POLQ: variants seen among roughly 807,000 people sequenced by gnomAD.
The protein encoded by POLQ is epididymis secretory sperm binding protein.
Under a neutral mutation model 259.2 loss-of-function variants are expected in POLQ, and 233 were observed. The observed-to-expected ratio is 0.90, with a 90% CI of 0.81 to 1.00. The LOEUF (loss-of-function observed/expected upper bound fraction) is 1.00, where lower values mean the gene tolerates loss of function less well. Among genes scored for constraint, POLQ ranks in the 50% least tolerant of loss-of-function variants. The pLI is 0.00. For synonymous variants in POLQ, 1,025 were observed against 1,048.8 expected (o/e 0.98, Z 0.44); for missense variants, 2,871 against 3,051.6 (o/e 0.94, Z 1.39).
intron 4 of POLQ, among the ~76,000 whole-genome samples, chr3:121,537,637 C>G (rs2048460266): frequency 6.6e-6 from 1 of 152,058 alleles, no homozygotes; most frequent in South Asian, 2.1e-4. Context: ...TGATTTCATT[C>G]TTTTTATGAC....
At chr3:121,543,379 T>C (rs180884046) in intron 2 of POLQ, among the ~76,000 whole-genome samples, 3 of 152,358 alleles carry the variant, frequency 2.0e-5, no homozygotes, top group Admixed American at 2.0e-4. Flanking sequence ...AATAATTTAA[T>C]CAACTCTAAG....
In POLQ at chr3:121,545,886, C is replaced by A; in HGVS notation, c.-9G>T. 1 of 1,613,366 alleles carries A rather than the reference C, an allele frequency of 6.2e-7. No homozygotes were observed. Among genetic ancestry groups the A allele is most frequent in the Non-Finnish European group, 8.5e-7 (1 of 1,179,900 alleles). The stretch of plus-strand genomic sequence containing the variant: ...CGACGCAGAAGATTCATGGCAAACT[C>A]TTCTCGGCCGATCAGGGCAAGCCAC... On this transcript the variant is annotated 5_prime_UTR_variant, in exon 1 of 30. Coordinates refer to ENST00000264233, the MANE Select transcript of POLQ (RefSeq NM_199420.4).
intron 12 of POLQ, among the ~76,000 whole-genome samples, chr3:121,505,456 A>G (rs1463518583): frequency 6.6e-6 from 1 of 152,230 alleles, no homozygotes; most frequent in East Asian, 1.9e-4. Context: ...TTTAATTAAA[A>G]CAGAGGCACT....
At chr3:121,465,284 G>A (rs2047826241) in intron 24 of POLQ, among the ~76,000 whole-genome samples, 1 of 151,862 alleles carries the variant, frequency 6.6e-6, no homozygotes, top group African/African-American at 2.4e-5. Flanking sequence ...TAAAGATGGG[G>A]TCTCCCTTTG....
At chr3:121,447,054 T>A (rs1427876094) in intron 26 of POLQ, among the ~76,000 whole-genome samples, 1 of 100,408 alleles carries the variant, frequency 1.0e-5, no homozygotes, top group Non-Finnish European at 2.3e-5. Context: ...TTCCTTTTAA[T>A]AAAGGTGATT....
At chr3:121,470,062 T>C (rs1467008133) in intron 22 of POLQ, among the ~76,000 whole-genome samples, 1 of 152,154 alleles carries the variant, frequency 6.6e-6, no homozygotes, top group Admixed American at 6.5e-5. Flanking sequence ...CCCAGCACTT[T>C]GGGAGGCTGA....
Position 121,490,186 on chromosome 3 carries a change from C to G in POLQ, c.2745G>C (p.Glu915Asp), listed in dbSNP as rs2048055299. ...HSSTCSLTHSESEVKEHTFIS... is the reference protein window; with the variant it reads ...HSSTCSLTHSDSEVKEHTFIS... ...TAAATGTGTGTTCCTTTACTTCGGACTCACTATGAGTCAATGAGCATGTAC... is the reference window on the plus strand; with the variant it reads ...TAAATGTGTGTTCCTTTACTTCGGAGTCACTATGAGTCAATGAGCATGTAC... Residue 915 changes from glutamate to aspartate, a missense_variant, in exon 16 of 30, where the codon GAG (glutamate) becomes GAC (aspartate). Glu to Asp is a conservative substitution (Grantham distance 45). Coordinates refer to ENST00000264233, the MANE Select transcript of POLQ (RefSeq NM_199420.4). The G allele has an allele frequency of 6.2e-7, 1 of 1,613,306 alleles. No homozygotes were observed. The highest frequency in any genetic ancestry group is 1.7e-5 in the Admixed American group (1 of 59,902).
rs2047595217 is a variant in POLQ at position 121,441,862 on chromosome 3, G to C, written c.7265-1746C>G. 1.3e-5 allele frequency among the ~76,000 whole-genome samples: 2 copies of C among 152,192 alleles called. 1 individual carries two copies. The highest frequency in any genetic ancestry group is 4.1e-4 in the South Asian group (2 of 4,832). On this transcript the variant is annotated intron_variant, in intron 26 of 29. Coordinates refer to ENST00000264233, the MANE Select transcript of POLQ (RefSeq NM_199420.4). Reference sequence around the variant, plus strand: ...TTACAAATAAATGAACAACGTAAAAGACTGTGTTTTTAATATTGGCCATTC... The same window carrying C: ...TTACAAATAAATGAACAACGTAAAACACTGTGTTTTTAATATTGGCCATTC...
At position 121,487,393 on chromosome 3, in the gene POLQ, G is replaced by A; in HGVS notation, c.5538C>T (p.Cys1846=). The part of the protein sequence containing the change: ...LFQTFIKEWR[C]KKRFSISLAC... ...CCAGTGAGATGGAAAATCGCTTTTT[G>A]CACCGCCACTCCTTAATGAATGTTT... Residue 1846 remains cysteine, a synonymous_variant, in exon 16 of 30, where the codon TGC becomes TGT. Coordinates refer to ENST00000264233, the MANE Select transcript of POLQ (RefSeq NM_199420.4). The A allele has an allele frequency of 1.2e-6, 2 of 1,612,028 alleles. No homozygotes were observed. Among genetic ancestry groups the A allele is most frequent in the Non-Finnish European group, 1.7e-6 (2 of 1,179,406 alleles).
At position 121,483,588 on chromosome 3, in the gene POLQ, A is replaced by T. The variant is rs772119077; in HGVS notation, c.5774-6T>A. On this transcript the variant is annotated splice_region_variant and splice_polypyrimidine_tract_variant and intron_variant, in intron 17 of 29. Transcript: ENST00000264233. ...AACCAAACTGGCACTAATTTCTTTA[A>T]AAAAAAAAAAAAAAAGGAAAAAACA... 4.4e-6 allele frequency: 4 copies of T among 900,292 alleles called. No individual in the cohort carries two copies. Among genetic ancestry groups the T allele is most frequent in the Admixed American group, 3.9e-5 (1 of 25,554 alleles). 55.8% of individuals were successfully genotyped at this position (900,292 alleles called of 1,614,324 possible).
chr3:121,464,651 A>C (rs1429713897), intron 24 of POLQ, among the ~76,000 whole-genome samples: 1 of 152,210 alleles, frequency 6.6e-6, no homozygotes, highest in East Asian at 1.9e-4. Flanking sequence ...ACATAATGCC[A>C]CAAGTGGAAA....
At position 121,489,811 on chromosome 3, in the gene POLQ, T is replaced by C. The variant is rs1317240346; in HGVS notation, c.3120A>G (p.Arg1040=). The C allele has an allele frequency of 1.2e-6, 2 of 1,613,016 alleles. No individual in the cohort carries two copies. The highest frequency in any genetic ancestry group is 1.7e-6 in the Non-Finnish European group (2 of 1,179,872). The stretch of plus-strand genomic sequence containing the variant: ...TTAGATGCTTTCTACGTTTCCAAGA[T>C]CGAAAACTTCTGCTCATCTTTTCTG... The part of the protein sequence containing the change: ...FNSEKMSRSF[R]SWKRRKHLKR... The change falls in exon 16 of 30, where the codon CGA becomes CGG. Residue 1040 remains arginine (R), a synonymous_variant. Transcript: ENST00000264233.
At chr3:121,519,675 CAAAAAAAAA>C (rs959037678) in intron 9 of POLQ, among the ~76,000 whole-genome samples, 187 bp downstream of exon 9, 5 of 59,816 alleles carry the variant, frequency 8.4e-5, no homozygotes, top group Non-Finnish European at 1.4e-4. Flanking sequence ...GACTCCGTCT[CAAAAAAAAA>C]AAAAAAAAAA....
chr3:121,490,122 T>C lies in POLQ; in HGVS notation c.2809A>G (p.Lys937Glu), dbSNP rs1347228294. The C allele has an allele frequency of 6.2e-7, 1 of 1,607,170 alleles. No homozygotes were observed. Among genetic ancestry groups the C allele is most frequent in the South Asian group, 1.1e-5 (1 of 90,076 alleles). The change falls in exon 16 of 30, where the codon AAG (lysine) becomes GAG (glutamate). Residue 937 changes from lysine to glutamate, a missense_variant. Lys to Glu is a moderately conservative substitution (Grantham distance 56). Transcript: ENST00000264233. ...TKSSYKKLTS[K>E]NKSNTIFSDS... The stretch of plus-strand genomic sequence containing the variant: ...CTAAATATTGTGTTACTTTTGTTCT[T>C]TGATGTTAATTTTTTATAAGAACTC...
rs866412840 is a variant in POLQ at position 121,539,599 on chromosome 3, G to C, written c.475-10C>G. The C allele has an allele frequency of 9.9e-6, 16 of 1,608,202 alleles. No homozygotes were observed. The Middle Eastern group carries it at 2.6e-3, about 265-fold the overall frequency. ...CTTCCTGAAACAGACTCTGAATTGA[G>C]TAAAAAGGAACAATACAGGTGAAAA... On this transcript the variant is annotated splice_polypyrimidine_tract_variant and intron_variant, in intron 3 of 29. Transcript: ENST00000264233.
chr3:121,440,151 C>T (rs1437030232), intron 26 of POLQ, 35 bp from the exon 27 acceptor site: 2 of 1,548,942 alleles, frequency 1.3e-6, no homozygotes, highest in Non-Finnish European at 1.8e-6. Context: ...TAATTAGAAC[C>T]AAAGTCTATC....
At chr3:121,536,127 A>G (rs1223608445) in intron 5 of POLQ, among the ~76,000 whole-genome samples, 1 of 152,266 alleles carries the variant, frequency 6.6e-6, no homozygotes, top group Admixed American at 6.5e-5. Flanking sequence ...AGTTGTTTAG[A>G]AAAGCAGAAG....
intron 14 of POLQ, chr3:121,494,510 G>A: frequency 2.6e-6 from 4 of 1,549,950 alleles, no homozygotes; most frequent in Non-Finnish European, 3.5e-6. Context: ...GAGACCACCT[G>A]TCCTTCGAAC....
chr3:121,468,469 A>C, intron 22 of POLQ, 38 bp from the exon 23 acceptor site: 1 of 1,495,260 alleles, frequency 6.7e-7, no homozygotes, highest in East Asian at 2.3e-5. Context: ...AATCAGGAAA[A>C]AAAATCTAGT....
Sources: allele counts gnomAD v4.1 joint callset (sites outside exome capture counted in the v4.1 genomes callset), GRCh38; gene constraint gnomAD v4.1.1; transcripts MANE v1.5; gene names NCBI Gene and HGNC (gene_info 2026-07-23, HGNC 2026-07-21).